MYO6: variants seen among roughly 807,000 people sequenced by gnomAD.
The protein encoded by MYO6 is unconventional myosin-VI.
MYO6 carries 74 observed loss-of-function variants against 178.7 expected under a neutral mutation model. The ratio of observed to expected loss-of-function variants is 0.41; its 90% confidence interval spans 0.34 to 0.50. The LOEUF (loss-of-function observed/expected upper bound fraction) is 0.50. MYO6 is among the 20% of genes least tolerant of loss of function. MYO6 has a pLI of 0.09. For missense variants in MYO6, 1,330 were observed against 1,547.4 expected, an observed-to-expected ratio of 0.86 and a Z score of 2.36; for synonymous variants, 477 against 504.6, an observed-to-expected ratio of 0.95 and a Z score of 0.73.
chr6:75,807,121 A>G (rs1770182546), intron 1 of MYO6, among the ~76,000 whole-genome samples: 1 of 152,210 alleles, frequency 6.6e-6, no homozygotes, highest in Non-Finnish European at 1.5e-5. Context: ...GTTCTAGGTT[A>G]GAATTAATTT....
chr6:75,788,348 A>G (rs1767886968), intron 1 of MYO6, among the ~76,000 whole-genome samples: 1 of 152,050 alleles, frequency 6.6e-6, no homozygotes, highest in Non-Finnish European at 1.5e-5. Flanking sequence ...TGGGCAACTG[A>G]GCAAGACTCA....
At chr6:75,875,059 T>G (rs1287258538) in intron 20 of MYO6, among the ~76,000 whole-genome samples, 1 of 152,202 alleles carries the variant, frequency 6.6e-6, no homozygotes. Context: ...AGGCTCATTT[T>G]CTTCTACCTG....
chr6:75,822,202 A>T (rs1771957304), intron 2 of MYO6, among the ~76,000 whole-genome samples: 1 of 151,166 alleles, frequency 6.6e-6, no homozygotes, highest in African/African-American at 2.4e-5. Context: ...GGTTCAAGGG[A>T]TTCTCCTGCC....
rs548902335 is a variant in MYO6 at position 75,916,204 on chromosome 6, T to C, written c.*1192T>C. The C allele has an allele frequency of 1.6e-4, 25 of 152,364 alleles. No individual in the cohort carries two copies. Among genetic ancestry groups the C allele is most frequent in the African/African-American group, 5.8e-4 (24 of 41,592 alleles). The allele number at this position is 152,364 out of a possible 1,614,324, so 9.4% of individuals were successfully genotyped here. A position where few individuals can be genotyped will look rare whatever the true frequency, so the allele number is the denominator to read the frequency against. The stretch of plus-strand genomic sequence containing the variant: ...GACATAATTCTAAGGAGTTTTGTTG[T>C]ATTTTAGAATAAAATTATAAAGTAA... On this transcript the variant is annotated 3_prime_UTR_variant, in exon 35 of 35. Coordinates refer to ENST00000369977, the MANE Select transcript of MYO6 (RefSeq NM_004999.4).
chr6:75,813,955 C>T (rs184433697), intron 1 of MYO6, among the ~76,000 whole-genome samples: 274 of 152,228 alleles, frequency 1.8e-3, no homozygotes, highest in Non-Finnish European at 2.9e-3. Flanking sequence ...GCCTCTCAAA[C>T]GGAGGGAAGG....
chr6:75,906,426 A>G (rs1780328988), intron 30 of MYO6, among the ~76,000 whole-genome samples: 1 of 152,204 alleles, frequency 6.6e-6, no homozygotes, highest in Non-Finnish European at 1.5e-5. Flanking sequence ...CTGTAATCCC[A>G]GCACTTTGGG....
chr6:75,842,398 C>A (rs576539163), intron 9 of MYO6, among the ~76,000 whole-genome samples: 33 of 152,316 alleles, frequency 2.2e-4, no homozygotes, highest in African/African-American at 7.9e-4. Context: ...AGTTCCCCAG[C>A]TGATTCTGAT....
chr6:75,817,282 G>C (rs1399054927), intron 1 of MYO6, among the ~76,000 whole-genome samples: 1 of 149,104 alleles, frequency 6.7e-6, no homozygotes, highest in African/African-American at 2.5e-5. Context: ...TCCAGCCTGG[G>C]TGAGAGAGTG....
chr6:75,892,618 T>G lies in MYO6; in HGVS notation c.3035T>G (p.Leu1012Arg). ...GAGCAGGAGCGCAGGGACCGGGAGC[T>G]GGCCCTGAGGATTGCCCAGAGTGAA... Reference protein sequence around the residue: ...VLEQERRDRELALRIAQSEAE... With the variant: ...VLEQERRDRERALRIAQSEAE... Residue 1012 changes from leucine to arginine, a missense_variant, in exon 28 of 35, where the codon CTG (leucine) becomes CGG (arginine). This residue lies in a region of MYO6 where 601 missense variants were observed against 626.1 expected (regional missense o/e 0.96). Transcript: ENST00000369977. 6.2e-7 allele frequency: 1 copy of G among 1,613,360 alleles called. No homozygotes were observed. The highest frequency in any genetic ancestry group is 8.5e-7 in the Non-Finnish European group (1 of 1,180,020).
chr6:75,759,185 G>T (rs1191576436), intron 1 of MYO6, among the ~76,000 whole-genome samples: 1 of 152,072 alleles, frequency 6.6e-6, no homozygotes, highest in African/African-American at 2.4e-5. Flanking sequence ...TATAGATCCG[G>T]TCATTTCTAT....
intron 1 of MYO6, among the ~76,000 whole-genome samples, chr6:75,769,195 A>AC (rs780548892): frequency 3.9e-5 from 6 of 152,174 alleles, no homozygotes; most frequent in Non-Finnish European, 5.9e-5. Flanking sequence ...GGAGGGAGCA[A>AC]ATGTCCAAAC....
At chr6:75,849,526 A>G (rs1583268834) in intron 11 of MYO6, among the ~76,000 whole-genome samples, 1 of 152,180 alleles carries the variant, frequency 6.6e-6, no homozygotes, top group African/African-American at 2.4e-5. Flanking sequence ...GTGTAATGCT[A>G]AAGGTTCTTG....
intron 1 of MYO6, among the ~76,000 whole-genome samples, chr6:75,783,035 C>G (rs1292231130): frequency 6.6e-6 from 1 of 151,272 alleles, no homozygotes; most frequent in Non-Finnish European, 1.5e-5. Context: ...CCACCTCAGT[C>G]TCTGGAGTAG....
At chr6:75,885,964 T>C (rs752919041) in intron 23 of MYO6, 40 bp from the exon 24 acceptor site, 1 of 1,234,436 alleles carries the variant, frequency 8.1e-7, no homozygotes, top group East Asian at 2.4e-5. Flanking sequence ...AGATTTAAAC[T>C]GAATAATTTT....
intron 2 of MYO6, among the ~76,000 whole-genome samples, chr6:75,821,328 C>G (rs1348600021): frequency 6.6e-6 from 1 of 152,184 alleles, no homozygotes; most frequent in South Asian, 2.1e-4. Flanking sequence ...AAGTTGGGCA[C>G]ATACATATAT....
intron 1 of MYO6, among the ~76,000 whole-genome samples, chr6:75,774,746 A>C (rs1252969125): frequency 1.3e-5 from 2 of 151,958 alleles, no homozygotes; most frequent in Non-Finnish European, 2.9e-5. Context: ...ACTTTTATGA[A>C]GTGGTGCTTA....
At chr6:75,913,478 CAT>C (rs1245271092) in intron 33 of MYO6, among the ~76,000 whole-genome samples, 2 of 151,662 alleles carry the variant, frequency 1.3e-5, no homozygotes, top group Non-Finnish European at 2.9e-5. Context: ...TTTTTTTTGT[CAT>C]ATGGTTGTCT....
At chr6:75,760,368 T>C (rs1777837191) in intron 1 of MYO6, among the ~76,000 whole-genome samples, 1 of 152,194 alleles carries the variant, frequency 6.6e-6, no homozygotes, top group Non-Finnish European at 1.5e-5. Context: ...ATTCTAGGGA[T>C]ATAAGTAATA....
chr6:75,848,535 T>G lies in MYO6; in HGVS notation c.1078+4T>G, dbSNP rs753926161. On this transcript the variant is annotated splice_donor_region_variant and intron_variant, in intron 11 of 34. Coordinates refer to ENST00000369977, the MANE Select transcript of MYO6 (RefSeq NM_004999.4). ...GAGGAAGCTGGCAGCACTTCAGGTTTGCTTTTTATTTTTTTAAGAGGAAAA... is the reference window on the plus strand; with the variant it reads ...GAGGAAGCTGGCAGCACTTCAGGTTGGCTTTTTATTTTTTTAAGAGGAAAA... 1.9e-6 allele frequency: 3 copies of G among 1,609,266 alleles called. No homozygotes were observed. The highest frequency in any genetic ancestry group is 1.1e-5 in the South Asian group (1 of 89,794).
Sources: allele counts gnomAD v4.1 joint callset (sites outside exome capture counted in the v4.1 genomes callset), GRCh38; gene constraint gnomAD v4.1.1; regional missense constraint gnomAD v4.1.1; transcripts MANE v1.5; gene names NCBI Gene and HGNC (gene_info 2026-07-23, HGNC 2026-07-21).